NAALADL2: variants seen among roughly 807,000 people sequenced by gnomAD.
NAALADL2 encodes the protein inactive N-acetylated-alpha-linked acidic dipeptidase-like protein 2.
A neutral mutation model predicts 87.2 loss-of-function variants in NAALADL2; 76 were observed. The observed-to-expected ratio is 0.87, with a 90% confidence interval of 0.72 to 1.05. The LOEUF (loss-of-function observed/expected upper bound fraction) is 1.05, where lower values mean the gene tolerates loss of function less well. Ranked by LOEUF, NAALADL2 falls within the 50% of genes least tolerant of loss-of-function variation. The pLI is 0.00. For synonymous variants in NAALADL2, 354 were observed against 331.0 expected (o/e 1.07, Z -0.75); for missense variants, 1,089 against 945.8 (o/e 1.15, Z -1.99).
At chr3:174,895,061 G>A (rs1389920325) in intron 1 of NAALADL2, among the ~76,000 whole-genome samples, 2 of 152,076 alleles carry the variant, frequency 1.3e-5, no homozygotes, top group East Asian at 3.9e-4. Flanking sequence ...AGCTTTAAGT[G>A]CCTACATCAA....
intron 2 of NAALADL2, among the ~76,000 whole-genome samples, chr3:174,577,262 AT>A (rs1715636171): frequency 6.6e-6 from 1 of 152,192 alleles, no homozygotes; most frequent in Admixed American, 6.5e-5. Flanking sequence ...ATCTGATTAA[AT>A]AACATTATTT....
chr3:174,847,564 G>A (rs1325434078), intron 3 of NAALADL2, among the ~76,000 whole-genome samples: 2 of 152,062 alleles, frequency 1.3e-5, no homozygotes, highest in Non-Finnish European at 2.9e-5. Flanking sequence ...CCAGGATTGG[G>A]GAATTTTGTT....
chr3:174,940,857 T>G (rs1738473124), intron 1 of NAALADL2, among the ~76,000 whole-genome samples: 1 of 151,994 alleles, frequency 6.6e-6, no homozygotes, highest in Non-Finnish European at 1.5e-5. Context: ...ACTGGTAGCA[T>G]TCCTTTTCTC....
intron 2 of NAALADL2, among the ~76,000 whole-genome samples, chr3:174,678,188 CT>C (rs1164273038): frequency 6.6e-6 from 1 of 152,120 alleles, no homozygotes; most frequent in African/African-American, 2.4e-5. Flanking sequence ...ATGAGAATGA[CT>C]TAGAGAGCTT....
At chr3:174,518,978 A>G (rs1327252866) in intron 1 of NAALADL2, among the ~76,000 whole-genome samples, 1 of 152,182 alleles carries the variant, frequency 6.6e-6, no homozygotes, top group Non-Finnish European at 1.5e-5. Context: ...ATCTCTGATG[A>G]CATTATAAAA....
chr3:174,791,365 G>A lies in NAALADL2; in HGVS notation c.-9+53619G>A, dbSNP rs963762252. ...TTGAGAGCCTTCATGAATGGGATTAGTGCTCTTGTAAAAAAGGCCTCAGAG... is the reference window on the plus strand; with the variant it reads ...TTGAGAGCCTTCATGAATGGGATTAATGCTCTTGTAAAAAAGGCCTCAGAG... On this transcript the variant is annotated intron_variant, in intron 3 of 3. Coordinates refer to the NAALADL2 transcript ENST00000434257. Among the ~76,000 whole-genome samples, 74 of 152,194 alleles carry A rather than the reference G, an allele frequency of 4.9e-4. 1 individual carries two copies. Among genetic ancestry groups the A allele is most frequent in the African/African-American group, 1.7e-3 (69 of 41,542 alleles).
chr3:175,178,615 A>G (rs528255052), intron 2 of NAALADL2, among the ~76,000 whole-genome samples: 12 of 152,142 alleles, frequency 7.9e-5, no homozygotes, highest in African/African-American at 2.6e-4. Flanking sequence ...TTTAATATAC[A>G]TCTGAATGAT....
intron 13 of NAALADL2, among the ~76,000 whole-genome samples, chr3:175,770,089 C>T (rs1222041352): frequency 6.6e-6 from 1 of 152,206 alleles, no homozygotes; most frequent in East Asian, 1.9e-4. Flanking sequence ...ATCTGTAAGA[C>T]ACCTTCACAG....
At chr3:175,121,319 G>A (rs1726125414) in intron 2 of NAALADL2, among the ~76,000 whole-genome samples, 1 of 151,802 alleles carries the variant, frequency 6.6e-6, no homozygotes, top group African/African-American at 2.4e-5. Context: ...ATATGCAACT[G>A]ATTAAACATT....
intron 2 of NAALADL2, among the ~76,000 whole-genome samples, chr3:175,181,737 G>GTGTA (rs1553802522): frequency 1.6e-5 from 1 of 62,704 alleles, no homozygotes; most frequent in Non-Finnish European, 3.1e-5. Context: ...GTATATATGT[G>GTGTA]TATATATGTA....
intron 1 of NAALADL2, among the ~76,000 whole-genome samples, chr3:174,537,995 A>G (rs1273513510): frequency 1.4e-5 from 2 of 144,066 alleles, no homozygotes; most frequent in Non-Finnish European, 3.0e-5. Flanking sequence ...CCCAGGATCT[A>G]TTGCAGTACT....
At chr3:174,944,046 T>A (rs6786471) in intron 1 of NAALADL2, among the ~76,000 whole-genome samples, 1 of 152,034 alleles carries the variant, frequency 6.6e-6, no homozygotes, top group African/African-American at 2.4e-5. Flanking sequence ...CCACTTTTCC[T>A]TAGGGCTGCT....
chr3:174,613,407 C>T (rs1720129987), intron 2 of NAALADL2, among the ~76,000 whole-genome samples: 1 of 151,450 alleles, frequency 6.6e-6, no homozygotes, highest in African/African-American at 2.4e-5. Flanking sequence ...AGATGCTGTC[C>T]AGGAGTCAGG....
chr3:175,702,015 A>C (rs918748686), intron 11 of NAALADL2, among the ~76,000 whole-genome samples: 3 of 152,200 alleles, frequency 2.0e-5, no homozygotes, highest in African/African-American at 7.2e-5. Context: ...TAATATTTTC[A>C]GCAAAATTTA....
At chr3:175,679,137 G>A (rs1039961868) in intron 11 of NAALADL2, among the ~76,000 whole-genome samples, 4 of 152,108 alleles carry the variant, frequency 2.6e-5, no homozygotes, top group African/African-American at 9.7e-5. Context: ...AGTTAAGGCA[G>A]GAATAGGCCA....
intron 12 of NAALADL2, among the ~76,000 whole-genome samples, chr3:175,739,009 T>C (rs749204320): frequency 4.6e-5 from 7 of 152,216 alleles, no homozygotes; most frequent in Admixed American, 1.3e-4. Context: ...GAAAATTCTA[T>C]TGGTATTCCA....
At chr3:174,835,799 C>T (rs532884310) in intron 3 of NAALADL2, among the ~76,000 whole-genome samples, 10 of 152,162 alleles carry the variant, frequency 6.6e-5, no homozygotes, top group South Asian at 2.1e-4. Context: ...AAAACAACCA[C>T]GAGGTATTAT....
chr3:174,552,795 C>CAAAAA (rs1164243901), intron 2 of NAALADL2, among the ~76,000 whole-genome samples: 7 of 55,992 alleles, frequency 1.3e-4, no homozygotes, highest in Admixed American at 2.3e-4. Context: ...GACCCTGCCT[C>CAAAAA]AAAAAAAAAA....
intron 4 of NAALADL2, among the ~76,000 whole-genome samples, chr3:175,297,635 A>G (rs1423393566): frequency 6.6e-6 from 1 of 152,118 alleles, no homozygotes; most frequent in Non-Finnish European, 1.5e-5. Context: ...TTACCCACTA[A>G]CCATTGGTAA....
Sources: allele counts gnomAD v4.1 joint callset (sites outside exome capture counted in the v4.1 genomes callset), GRCh38; gene constraint gnomAD v4.1.1; transcripts MANE v1.5; gene names NCBI Gene and HGNC (gene_info 2026-07-23, HGNC 2026-07-21).